SH3GLB1: variants seen among roughly 807,000 people sequenced by gnomAD.
The protein encoded by SH3GLB1 is endophilin-B1.
A neutral mutation model predicts 42.0 loss-of-function variants in SH3GLB1; 17 were observed. The observed-to-expected ratio is 0.40, with a 90% CI of 0.28 to 0.61. The LOEUF (loss-of-function observed/expected upper bound fraction) is 0.61, where lower values mean the gene tolerates loss of function less well. Ranked by LOEUF, SH3GLB1 falls within the 20% of genes least tolerant of loss-of-function variation. The pLI is 0.36. For synonymous variants in SH3GLB1, 132 were observed against 146.6 expected, an observed-to-expected ratio of 0.90 and a Z score of 0.72; for missense variants, 355 against 426.3, an observed-to-expected ratio of 0.83 and a Z score of 1.47.
intron 1 of SH3GLB1, among the ~76,000 whole-genome samples, chr1:86,710,430 A>T (rs1431670981): frequency 6.6e-6 from 1 of 151,736 alleles, no homozygotes; most frequent in Non-Finnish European, 1.5e-5. Context: ...GTGCCCGGCT[A>T]AATTTTGTAT....
At chr1:86,738,460 T>C (rs1373503571) in intron 7 of SH3GLB1, among the ~76,000 whole-genome samples, 1 of 151,830 alleles carries the variant, frequency 6.6e-6, no homozygotes, top group Non-Finnish European at 1.5e-5. Flanking sequence ...AGAGACAGGG[T>C]TTCACCGTGT....
rs184671274 is a variant in SH3GLB1 at position 86,744,073 on chromosome 1, A to C, written c.*838A>C. The C allele has an allele frequency of 8.5e-5, 13 of 152,494 alleles. No individual in the cohort carries two copies. The highest frequency in any genetic ancestry group is 2.0e-4 in the Admixed American group (3 of 15,300). 9.4% of individuals were successfully genotyped at this position (152,494 alleles called of 1,614,324 possible). A position where few individuals can be genotyped will look rare whatever the true frequency, so the allele number is the denominator to read the frequency against. ...TTATTGAACAGCAGATTTGTATACA[A>C]ATACGGAATAATGCAACTACATTAT... On this transcript the variant is annotated 3_prime_UTR_variant, in exon 9 of 9. Transcript: ENST00000370558.
At chr1:86,719,036 A>G (rs1553207007) in intron 2 of SH3GLB1, among the ~76,000 whole-genome samples, 1 of 152,200 alleles carries the variant, frequency 6.6e-6, no homozygotes, top group Non-Finnish European at 1.5e-5. Context: ...AGGCAAGAAA[A>G]AGAGAGAGCA....
At chr1:86,708,917 T>C (rs1654029978) in intron 1 of SH3GLB1, among the ~76,000 whole-genome samples, 1 of 152,236 alleles carries the variant, frequency 6.6e-6, no homozygotes, top group Non-Finnish European at 1.5e-5. Flanking sequence ...TAGACTCCTC[T>C]TAAGTGTCCT....
In SH3GLB1 at chr1:86,710,225, A is replaced by G. The variant is rs116251316; in HGVS notation, c.72+5254A>G. On this transcript the variant is annotated intron_variant, in intron 1 of 8. Transcript: ENST00000370558. ...ACTACATGAGTAAGGTAATTAGAAA[A>G]TCTATAAAACTCTTTTAAATTCATC... 1.0e-3 allele frequency among the ~76,000 whole-genome samples: 155 copies of G among 152,286 alleles called. No homozygotes were observed. In the South Asian group the frequency reaches 0.018, roughly 18 times the overall value.
chr1:86,740,640 T>G (rs1656014977), intron 7 of SH3GLB1, among the ~76,000 whole-genome samples: 1 of 152,164 alleles, frequency 6.6e-6, no homozygotes, highest in Admixed American at 6.5e-5. Flanking sequence ...AAACTATTAT[T>G]ATTGGAAGGG....
chr1:86,708,807 C>G (rs551862719), intron 1 of SH3GLB1, among the ~76,000 whole-genome samples: 3 of 152,310 alleles, frequency 2.0e-5, no homozygotes, highest in African/African-American at 7.2e-5. Context: ...TACTCCCTTA[C>G]AATCTGGTCC....
intron 1 of SH3GLB1, among the ~76,000 whole-genome samples, chr1:86,708,399 A>G (rs912403129): frequency 3.3e-5 from 5 of 152,246 alleles, no homozygotes; most frequent in South Asian, 2.1e-4. Context: ...CGTAAGGAAT[A>G]TGCCATTCTT....
At chr1:86,727,592 C>T (rs1262614326) in intron 5 of SH3GLB1, among the ~76,000 whole-genome samples, 1 of 152,032 alleles carries the variant, frequency 6.6e-6, no homozygotes, top group Non-Finnish European at 1.5e-5. Context: ...TGAAACACTT[C>T]TGGTCCCAGG....
At chr1:86,714,764 C>G (rs1654414444) in intron 1 of SH3GLB1, among the ~76,000 whole-genome samples, 1 of 152,030 alleles carries the variant, frequency 6.6e-6, no homozygotes, top group African/African-American at 2.4e-5. Context: ...AGTGATATAC[C>G]TGTGTTAAGA....
chr1:86,716,262 G>T (rs764678815), intron 2 of SH3GLB1, among the ~76,000 whole-genome samples: 6 of 149,044 alleles, frequency 4.0e-5, no homozygotes, highest in Non-Finnish European at 6.0e-5. Context: ...GTGTTTTTTT[G>T]TTTGTTTGTT....
At chr1:86,733,759 G>A (rs1252544443) in intron 5 of SH3GLB1, among the ~76,000 whole-genome samples, 3 of 152,154 alleles carry the variant, frequency 2.0e-5, no homozygotes, top group Non-Finnish European at 4.4e-5. Context: ...GTTGAAACCA[G>A]TAGTGGCATA....
At position 86,708,321 on chromosome 1, in the gene SH3GLB1, A is replaced by C. The variant is rs147904484; in HGVS notation, c.72+3350A>C. ...GCTATGCCAATATCTCTTTATAAGC[A>C]GTAAGAACAGTAGAGAGAGAAACAT... On this transcript the variant is annotated intron_variant, in intron 1 of 8. Transcript: ENST00000370558. Among the ~76,000 whole-genome samples, 656 of 152,324 alleles carry C rather than the reference A, an allele frequency of 4.3e-3. 4 individuals carry two copies. The highest frequency in any genetic ancestry group is 0.015 in the African/African-American group (630 of 41,554).
chr1:86,711,853 C>T (rs1570408286), intron 1 of SH3GLB1, among the ~76,000 whole-genome samples: 1 of 152,000 alleles, frequency 6.6e-6, no homozygotes, highest in Non-Finnish European at 1.5e-5. Context: ...TCCTTGAGGG[C>T]AAGAAGTACA....
chr1:86,713,374 T>C (rs533169244), intron 1 of SH3GLB1, among the ~76,000 whole-genome samples: 4 of 152,008 alleles, frequency 2.6e-5, no homozygotes, highest in Non-Finnish European at 5.9e-5. Context: ...GGGCCCCTGC[T>C]CCTGGCCATA....
chr1:86,727,733 C>T (rs1311931197), intron 5 of SH3GLB1, among the ~76,000 whole-genome samples: 1 of 152,004 alleles, frequency 6.6e-6, no homozygotes, highest in Non-Finnish European at 1.5e-5. Flanking sequence ...AGATAAAAAT[C>T]AGCTGATTTC....
intron 5 of SH3GLB1, chr1:86,730,366 T>C: frequency 1.0e-6 from 1 of 985,422 alleles, no homozygotes; most frequent in African/African-American, 1.7e-5. Context: ...AGTGGTAATC[T>C]TACAGTTCCT....
intron 2 of SH3GLB1, among the ~76,000 whole-genome samples, chr1:86,716,162 T>C (rs958639262): frequency 1.3e-5 from 2 of 152,234 alleles, no homozygotes; most frequent in Non-Finnish European, 2.9e-5. Context: ...GTTTTCCTTT[T>C]TCATCTAGGG....
At chr1:86,722,916 C>T (rs552017464) in intron 4 of SH3GLB1, among the ~76,000 whole-genome samples, 13 of 152,214 alleles carry the variant, frequency 8.5e-5, no homozygotes, top group South Asian at 2.1e-4. Context: ...TCATTACCAA[C>T]GCTAAAATCT....
Sources: gnomAD v4.1 joint callset for allele counts (sites outside exome capture counted in the v4.1 genomes callset) on GRCh38, gnomAD v4.1.1 for gene constraint, MANE v1.5 for transcripts, NCBI Gene and HGNC (gene_info 2026-07-23, HGNC 2026-07-21) for gene names.